Variants in FYN observed in about 807,000 individuals in gnomAD.
FYN encodes FYN proto-oncogene, Src family tyrosine kinase.
A neutral mutation model predicts 70.2 loss-of-function variants in FYN; 10 were observed. The observed-to-expected ratio is 0.14, with a 90% confidence interval of 0.09 to 0.24. FYN has a LOEUF of 0.24. Among genes scored for constraint, FYN ranks in the 10% least tolerant of loss-of-function variants. The pLI, the probability that FYN is intolerant of heterozygous loss-of-function variation, is 1.00. For synonymous variants in FYN, 236 were observed against 248.6 expected, an observed-to-expected ratio of 0.95 and a Z score of 0.48; for missense variants, 319 against 673.1, an observed-to-expected ratio of 0.47 and a Z score of 5.82.
chr6:111,741,496 T>G (rs1469150513), intron 3 of FYN, among the ~76,000 whole-genome samples: 2 of 137,788 alleles, frequency 1.5e-5, no homozygotes, highest in Non-Finnish European at 3.1e-5. Flanking sequence ...GTTTTAAGTT[T>G]TTTCATTTTG....
chr6:111,767,907 G>C (rs1803297133), intron 3 of FYN, among the ~76,000 whole-genome samples: 1 of 152,160 alleles, frequency 6.6e-6, no homozygotes, highest in African/African-American at 2.4e-5. Flanking sequence ...TAAAACTAAT[G>C]AGGGTGTAAA....
intron 3 of FYN, among the ~76,000 whole-genome samples, chr6:111,765,438 C>G (rs1011561072): frequency 6.6e-6 from 1 of 152,098 alleles, no homozygotes; most frequent in South Asian, 2.1e-4. Context: ...ATCTGCAAGA[C>G]GAGGAGGGAG....
At chr6:111,669,438 C>CAAAAAA (rs10690295) in intron 13 of FYN, among the ~76,000 whole-genome samples, 1,000 of 56,662 alleles carry the variant, frequency 0.018, 70 homozygotes, top group Middle Eastern at 0.041. Context: ...CCATCCATCT[C>CAAAAAA]AAAAAAAAAA....
intron 5 of FYN, 84 bp downstream of exon 5, chr6:111,714,263 C>T (rs879876322): frequency 6.0e-6 from 5 of 831,252 alleles, no homozygotes; most frequent in Admixed American, 1.9e-5. Flanking sequence ...GCATTTCAGA[C>T]ATCTGAAGAG....
intron 13 of FYN, among the ~76,000 whole-genome samples, chr6:111,671,748 CAG>C (rs1340402608): frequency 6.6e-6 from 1 of 152,122 alleles, no homozygotes. Context: ...AGCAAGAATG[CAG>C]AGAGGAAGGT....
intron 3 of FYN, among the ~76,000 whole-genome samples, chr6:111,737,894 T>A (rs1203974474): frequency 6.6e-6 from 1 of 152,208 alleles, no homozygotes; most frequent in Non-Finnish European, 1.5e-5. Context: ...TGGCCTCAAA[T>A]TTTCCTTAAT....
chr6:111,813,807 A>T (rs1405205586), intron 2 of FYN: 1 of 152,246 alleles, frequency 6.6e-6, no homozygotes, highest in Admixed American at 6.5e-5. Context: ...TGGTAAGAGG[A>T]TGTGCGTGGA....
chr6:111,818,042 T>C (rs1339613886), intron 2 of FYN, among the ~76,000 whole-genome samples: 1 of 152,204 alleles, frequency 6.6e-6, no homozygotes, highest in Admixed American at 6.5e-5. Flanking sequence ...GATGACCTGA[T>C]GACTGACAGC....
At chr6:111,736,054 G>T (rs1801695713) in intron 3 of FYN, among the ~76,000 whole-genome samples, 3 of 152,156 alleles carry the variant, frequency 2.0e-5, no homozygotes, top group Admixed American at 2.0e-4. Context: ...TGCAATGCAG[G>T]TCATCAGAAG....
intron 3 of FYN, among the ~76,000 whole-genome samples, chr6:111,733,417 C>T (rs974839112): frequency 5.3e-5 from 8 of 152,178 alleles, no homozygotes; most frequent in East Asian, 1.9e-4. Context: ...TTTTGAGAAG[C>T]GTGCTCTGCT....
chr6:111,768,559 T>C (rs930375814), intron 3 of FYN, among the ~76,000 whole-genome samples: 1 of 152,208 alleles, frequency 6.6e-6, no homozygotes, highest in Non-Finnish European at 1.5e-5. Context: ...AGGGCCCTGT[T>C]CTCCGGGACT....
chr6:111,766,966 A>G (rs1204065617), intron 3 of FYN, among the ~76,000 whole-genome samples: 1 of 152,208 alleles, frequency 6.6e-6, no homozygotes, highest in Non-Finnish European at 1.5e-5. Flanking sequence ...AAAGTAACCA[A>G]TGATCATAAT....
At position 111,812,604 on chromosome 6, in the gene FYN, C is replaced by CTTTTTT. The variant is rs369326017; in HGVS notation, c.-81-31975_-81-31970dup. On this transcript the variant is annotated intron_variant, in intron 2 of 13. Coordinates refer to ENST00000354650, the MANE Select transcript of FYN (RefSeq NM_002037.5). ...GGAGGTAATTAAATCAGAAATTTTC[C>CTTTTTT]TTTTTTTTTTTTTTTTTTTTTTTTT... Among the ~76,000 whole-genome samples the CTTTTTT allele has an allele frequency of 1.5e-4, 15 of 101,318 alleles. 1 individual carries two copies. The highest frequency in any genetic ancestry group is 5.1e-4 in the African/African-American group (15 of 29,392). 66.5% of individuals were successfully genotyped at this position (101,318 alleles called of 152,430 possible).
chr6:111,840,200 C>T lies in FYN; in HGVS notation c.-82+6389G>A, dbSNP rs374465468. Among the ~76,000 whole-genome samples the T allele has an allele frequency of 1.1e-4, 16 of 152,242 alleles. No individual in the cohort carries two copies. In the Middle Eastern group the frequency reaches 0.017, roughly 162 times the overall value. Reference sequence around the variant, plus strand: ...ATTGAGGTATGTTAGGCAGAAAATGCCCCCCAAAAGGTATTCACTTCCTAA... The same window carrying T: ...ATTGAGGTATGTTAGGCAGAAAATGTCCCCCAAAAGGTATTCACTTCCTAA... On this transcript the variant is annotated intron_variant, in intron 2 of 13. Transcript: ENST00000354650.
Position 111,674,534 on chromosome 6 carries a change from G to C in FYN, c.1370C>G (p.Thr457Arg). The C allele has an allele frequency of 6.2e-7, 1 of 1,613,930 alleles. No homozygotes were observed. The highest frequency in any genetic ancestry group is 1.1e-5 in the South Asian group (1 of 91,066). The change falls in exon 13 of 14, where the codon ACA becomes AGA. Residue 457 changes from threonine to arginine, a missense_variant. Thr to Arg is a moderately conservative substitution (Grantham distance 71). Coordinates refer to ENST00000354650, the MANE Select transcript of FYN (RefSeq NM_002037.5). ...CACTCTTCCTTTGGTGACCAGCTCT[G>C]TGAGTAAGATTCCAAAAGACCACAC... ...SDVWSFGILLTELVTKGRVPY... is the reference protein window; with the variant it reads ...SDVWSFGILLRELVTKGRVPY...
intron 7 of FYN, 64 bp from the exon 8 acceptor site, chr6:111,703,098 T>G (rs1799916970): frequency 5.3e-6 from 8 of 1,506,006 alleles, no homozygotes; most frequent in Non-Finnish European, 7.3e-6. Flanking sequence ...TTTTTAGGCC[T>G]CATTTTCTTG....
intron 12 of FYN, among the ~76,000 whole-genome samples, chr6:111,688,627 CGT>C (rs892024883): frequency 6.6e-6 from 1 of 151,688 alleles, no homozygotes; most frequent in South Asian, 2.2e-4. Context: ...GCCCACGCAG[CGT>C]GTGTGTGCTC....
At chr6:111,760,660 C>G (rs1014922643) in intron 3 of FYN, among the ~76,000 whole-genome samples, 1 of 152,220 alleles carries the variant, frequency 6.6e-6, no homozygotes, top group Non-Finnish European at 1.5e-5. Context: ...TCCCCTCAAG[C>G]TGGGAGTTGC....
At chr6:111,750,717 AT>A (rs71759856) in intron 3 of FYN, among the ~76,000 whole-genome samples, 2,656 of 130,710 alleles carry the variant, frequency 0.02, 50 homozygotes, top group African/African-American at 0.054. Context: ...AATTCATGTC[AT>A]TTTTTTTTTT....
Sources: allele counts gnomAD v4.1 joint callset (sites outside exome capture counted in the v4.1 genomes callset), GRCh38; gene constraint gnomAD v4.1.1; transcripts MANE v1.5; gene names NCBI Gene and HGNC (gene_info 2026-07-23, HGNC 2026-07-21).